CFAP61: variants seen among roughly 807,000 people sequenced by gnomAD.
CFAP61 encodes the protein cilia and flagella associated protein 61.
Under a neutral mutation model 135.6 loss-of-function variants are expected in CFAP61, and 107 were observed. The ratio of observed to expected loss-of-function variants is 0.79; its 90% CI spans 0.67 to 0.93. CFAP61 has a LOEUF of 0.93. CFAP61 is among the 40% of genes least tolerant of loss of function. The pLI, the probability that CFAP61 is intolerant of heterozygous loss-of-function variation, is 0.00. For synonymous variants in CFAP61, 575 were observed against 578.5 expected (o/e 0.99, Z 0.09); for missense variants, 1,507 against 1,556.2 (o/e 0.97, Z 0.53).
At chr20:20,103,676 C>T (rs2048181440) in intron 8 of CFAP61, among the ~76,000 whole-genome samples, 1 of 152,174 alleles carries the variant, frequency 6.6e-6, no homozygotes, top group Non-Finnish European at 1.5e-5. Context: ...TATTTTCCTT[C>T]AGTGACAATA....
intron 18 of CFAP61, chr20:20,232,994 C>T (rs1938699337): frequency 6.6e-6 from 1 of 152,228 alleles, no homozygotes. Flanking sequence ...AAGATGCAGC[C>T]TCAGACTTTC....
chr20:20,054,009 G>GTT (rs1491456523), intron 1 of CFAP61, among the ~76,000 whole-genome samples: 1 of 88,854 alleles, frequency 1.1e-5, no homozygotes, highest in African/African-American at 4.0e-5. Context: ...TGTTTTTTTT[G>GTT]TTTGTTTTTT....
intron 26 of CFAP61, among the ~76,000 whole-genome samples, chr20:20,349,620 TGAA>T (rs753463223): frequency 1.3e-5 from 2 of 152,042 alleles, no homozygotes; most frequent in Non-Finnish European, 2.9e-5. Context: ...GAAAATGAAA[TGAA>T]GAAAACAATT....
chr20:20,142,720 C>T, intron 8 of CFAP61, 137 bp from the exon 9 acceptor site: 1 of 612,778 alleles, frequency 1.6e-6, no homozygotes, highest in Non-Finnish European at 2.9e-6. Context: ...CTTCCCACCT[C>T]AAGGTACTGC....
At chr20:20,329,131 C>A (rs2057880724) in intron 25 of CFAP61, among the ~76,000 whole-genome samples, 1 of 152,088 alleles carries the variant, frequency 6.6e-6, no homozygotes, top group South Asian at 2.1e-4. Flanking sequence ...TCCCTCACTG[C>A]CCCCCTGATC....
chr20:20,294,195 G>T (rs1161288628), intron 24 of CFAP61, among the ~76,000 whole-genome samples: 3 of 152,218 alleles, frequency 2.0e-5, no homozygotes, highest in African/African-American at 7.2e-5. Flanking sequence ...TGTGGGCAGG[G>T]CTGGGAGGTG....
chr20:20,193,074 C>A lies in CFAP61; in HGVS notation c.1590+1655C>A, dbSNP rs568974297. ...GGGATGTGGGATGACAGGTACTGTC[C>A]TGGTGGTCATCTTAGGATTCTTTGG... On this transcript the variant is annotated intron_variant, in intron 15 of 26. Transcript: ENST00000245957. 3.7e-4 allele frequency among the ~76,000 whole-genome samples: 56 copies of A among 152,244 alleles called. 1 individual carries two copies. The highest frequency in any genetic ancestry group is 7.2e-4 in the African/African-American group (30 of 41,504).
chr20:20,267,039 T>C (rs2052808245), intron 21 of CFAP61, among the ~76,000 whole-genome samples: 1 of 152,040 alleles, frequency 6.6e-6, no homozygotes, highest in African/African-American at 2.4e-5. Context: ...AAGTTGAGGA[T>C]ATCAGTCTCT....
chr20:20,285,631 A>G (rs554188120), intron 22 of CFAP61, among the ~76,000 whole-genome samples: 1 of 152,244 alleles, frequency 6.6e-6, no homozygotes, highest in African/African-American at 2.4e-5. Context: ...AAACCTCTAA[A>G]TTGAGGCCAG....
rs772105689 is a variant in CFAP61 at position 20,290,347 on chromosome 20, G to A, written c.3172G>A (p.Ala1058Thr). 4 of 1,613,420 alleles carry A rather than the reference G, an allele frequency of 2.5e-6. No individual in the cohort carries two copies. In the South Asian group the frequency reaches 3.3e-5, roughly 13 times the overall value. Residue 1058 changes from alanine to threonine, a missense_variant, in exon 24 of 27, where the codon GCC becomes ACC. Ala to Thr is a moderately conservative substitution (Grantham distance 58). Coordinates refer to ENST00000245957, the MANE Select transcript of CFAP61 (RefSeq NM_015585.4). ...SYHYLHIAKP[A>T]IPTPLEVQMA... ...CCATTATCTGCATATTGCCAAGCCT[G>A]CCATTCCAACTCCCTTGGAGGTACA...
chr20:20,249,622 A>ACT (rs2050734756), intron 19 of CFAP61, among the ~76,000 whole-genome samples: 1 of 152,194 alleles, frequency 6.6e-6, no homozygotes, highest in Non-Finnish European at 1.5e-5. Context: ...GTGACTTAGT[A>ACT]AAGTTTCCTA....
intron 17 of CFAP61, among the ~76,000 whole-genome samples, chr20:20,212,200 C>T (rs112706978): frequency 0.04 from 6,026 of 152,174 alleles, 157 homozygotes; most frequent in Middle Eastern, 0.11. Flanking sequence ...CATTCAAGAG[C>T]GGAAGGCGGC....
Position 20,191,499 on chromosome 20 carries a change from T to C in CFAP61, c.1590+80T>C, listed in dbSNP as rs1433780495. ...TTAGCCCACAGTGCCCCTTTTGGAG[T>C]TGTACTTTTACTTATTTAATGTGAA... On this transcript the variant is annotated intron_variant, in intron 15 of 26. Transcript: ENST00000245957. 5.0e-6 allele frequency: 5 copies of C among 990,422 alleles called. No individual in the cohort carries two copies. The East Asian group carries it at 1.3e-4, about 25-fold the overall frequency. 61.4% of individuals were successfully genotyped at this position (990,422 alleles called of 1,614,324 possible).
intron 13 of CFAP61, chr20:20,184,649 G>T (rs1438770123): frequency 6.6e-6 from 1 of 152,294 alleles, no homozygotes; most frequent in Non-Finnish European, 1.5e-5. Context: ...TTCTGATGAG[G>T]TAACTTCTGA....
At chr20:20,275,575 C>T (rs1020513754) in intron 21 of CFAP61, among the ~76,000 whole-genome samples, 3 of 152,166 alleles carry the variant, frequency 2.0e-5, no homozygotes, top group Admixed American at 6.5e-5. Flanking sequence ...GCCCAGTTTT[C>T]CATGAGCCTG....
At chr20:20,253,554 G>T in intron 20 of CFAP61, 1 of 489,150 alleles carries the variant, frequency 2.0e-6, no homozygotes, top group South Asian at 1.5e-5. Flanking sequence ...CGTTCAGCAT[G>T]ACTCTGCATT....
chr20:20,321,111 A>G (rs2057489223), intron 25 of CFAP61, among the ~76,000 whole-genome samples: 1 of 152,292 alleles, frequency 6.6e-6, no homozygotes, highest in Non-Finnish European at 1.5e-5. Flanking sequence ...TAATGTAATC[A>G]CAGAATTCAA....
intron 8 of CFAP61, among the ~76,000 whole-genome samples, chr20:20,132,400 C>T (rs1449957924): frequency 1.3e-5 from 2 of 151,922 alleles, no homozygotes; most frequent in Non-Finnish European, 2.9e-5. Flanking sequence ...AGAGAACCTA[C>T]TCTGTGTGTT....
chr20:20,144,816 T>C (rs2051735192), intron 9 of CFAP61, among the ~76,000 whole-genome samples: 1 of 151,952 alleles, frequency 6.6e-6, no homozygotes, highest in African/African-American at 2.4e-5. Flanking sequence ...GAAACAAAGA[T>C]ATGAATAACA....
Sources: gnomAD v4.1 joint callset for allele counts (sites outside exome capture counted in the v4.1 genomes callset) on GRCh38, gnomAD v4.1.1 for gene constraint, MANE v1.5 for transcripts, NCBI Gene and HGNC (gene_info 2026-07-23, HGNC 2026-07-21) for gene names.